ATP8B4: variants seen among roughly 807,000 people sequenced by gnomAD.
ATP8B4 encodes ATPase phospholipid transporting 8B4 (putative).
In ATP8B4, 133 loss-of-function variants were observed where a neutral mutation model predicts 145.6. The ratio of observed to expected loss-of-function variants is 0.91; its 90% CI spans 0.79 to 1.05. The LOEUF is 1.05. Among genes scored for constraint, ATP8B4 ranks in the 50% least tolerant of loss-of-function variants. ATP8B4 has a pLI of 0.00. For synonymous variants in ATP8B4, 507 were observed against 492.9 expected, an observed-to-expected ratio of 1.03 and a Z score of -0.38; for missense variants, 1,458 against 1,425.2, an observed-to-expected ratio of 1.02 and a Z score of -0.37.
At chr15:50,073,140 G>C (rs997762016) in intron 3 of ATP8B4, among the ~76,000 whole-genome samples, 1 of 150,346 alleles carries the variant, frequency 6.7e-6, no homozygotes, top group African/African-American at 2.5e-5. Context: ...GAATGTGCAG[G>C]TTTGTTACAT....
intron 14 of ATP8B4, among the ~76,000 whole-genome samples, chr15:49,935,255 T>C (rs890255300): frequency 6.6e-6 from 1 of 152,128 alleles, no homozygotes; most frequent in Non-Finnish European, 1.5e-5. Context: ...CAGTTTTATA[T>C]GGAATATTAC....
intron 1 of ATP8B4, among the ~76,000 whole-genome samples, chr15:50,150,045 G>T (rs1286182678): frequency 1.3e-5 from 2 of 151,708 alleles, no homozygotes; most frequent in African/African-American, 4.8e-5. Context: ...AGGTTGCAGT[G>T]AGCCAAGATC....
At chr15:50,106,911 T>C in intron 2 of ATP8B4, 28 bp downstream of exon 2, 3 of 1,577,524 alleles carry the variant, frequency 1.9e-6, no homozygotes, top group Non-Finnish European at 2.6e-6. Context: ...AATATCACTT[T>C]GCATCATTGG....
intron 1 of ATP8B4, among the ~76,000 whole-genome samples, chr15:50,148,181 A>T (rs2044303327): frequency 6.6e-6 from 1 of 151,762 alleles, no homozygotes; most frequent in Non-Finnish European, 1.5e-5. Flanking sequence ...CATAAACCCA[A>T]GTTAAAGAAC....
intron 21 of ATP8B4, among the ~76,000 whole-genome samples, chr15:49,898,460 A>G (rs1274758910): frequency 6.6e-6 from 1 of 152,222 alleles, no homozygotes; most frequent in Non-Finnish European, 1.5e-5. Context: ...TTAAAATACT[A>G]CTAAGGAATT....
At chr15:50,120,570 G>A (rs931598704), upstream of ATP8B4, among the ~76,000 whole-genome samples, 1 of 152,038 alleles carries the variant, frequency 6.6e-6, no homozygotes, top group South Asian at 2.1e-4. Context: ...TTTTTTAAAG[G>A]AAACTGAGTA....
chr15:50,047,399 C>T lies in ATP8B4; in HGVS notation c.153G>A (p.Gln51=). 1 of 1,599,984 alleles carries T rather than the reference C, an allele frequency of 6.3e-7. No homozygotes were observed. Among genetic ancestry groups the T allele is most frequent in the African/African-American group, 1.3e-5 (1 of 74,680 alleles). The part of the protein sequence containing the change: ...LTFLPINLFE[Q]FQRVANAYFL... Reference sequence around the variant, plus strand: ...AATAGGCATTTGCCACTCTTTGGAACTGTTCAAATAAATTAATTGGCAAGA... The same window carrying T: ...AATAGGCATTTGCCACTCTTTGGAATTGTTCAAATAAATTAATTGGCAAGA... The change falls in exon 4 of 28, where the codon CAG becomes CAA. Residue 51 remains glutamine, a synonymous_variant. Coordinates refer to ENST00000284509, the MANE Select transcript of ATP8B4 (RefSeq NM_024837.4).
chr15:50,073,569 T>G (rs1029526557), intron 3 of ATP8B4, among the ~76,000 whole-genome samples: 3 of 152,238 alleles, frequency 2.0e-5, no homozygotes, highest in African/African-American at 4.8e-5. Flanking sequence ...TGTGTCTTTA[T>G]AGTAAAATTA....
At chr15:49,991,628 C>T (rs2047053446) in intron 9 of ATP8B4, among the ~76,000 whole-genome samples, 1 of 152,010 alleles carries the variant, frequency 6.6e-6, no homozygotes, top group Non-Finnish European at 1.5e-5. Context: ...ATTCAAGAGA[C>T]CATAAATCAT....
chr15:50,171,993 AC>A (rs2044681077), intron 1 of ATP8B4, among the ~76,000 whole-genome samples: 1 of 152,236 alleles, frequency 6.6e-6, no homozygotes, highest in African/African-American at 2.4e-5. Flanking sequence ...CTGGAAAAAT[AC>A]AACCCTCCTA....
intron 1 of ATP8B4, among the ~76,000 whole-genome samples, chr15:50,146,014 CTTT>C (rs10624735): frequency 7.5e-6 from 1 of 133,464 alleles, no homozygotes. Flanking sequence ...TAAATGTTTA[CTTT>C]TTTTTTTTTT....
chr15:50,042,154 T>TA (rs34554435), intron 5 of ATP8B4, among the ~76,000 whole-genome samples: 23,631 of 134,720 alleles, frequency 0.18, 1,988 homozygotes, highest in Middle Eastern at 0.33. Flanking sequence ...GACTCTGTCT[T>TA]AAAAAAAAAA....
At chr15:49,864,795 T>G (rs1033098744) in intron 26 of ATP8B4, among the ~76,000 whole-genome samples, 51 of 152,148 alleles carry the variant, frequency 3.4e-4, no homozygotes, top group African/African-American at 1.2e-3. Flanking sequence ...AAAAGTACTA[T>G]GTACCAGGAT....
chr15:50,094,156 G>A (rs574465173), intron 2 of ATP8B4, among the ~76,000 whole-genome samples: 30 of 152,272 alleles, frequency 2.0e-4, no homozygotes, highest in African/African-American at 6.0e-4. Flanking sequence ...TTCTGCATGA[G>A]ATCAACATTT....
At chr15:50,121,248 G>A (rs1050410179), upstream of ATP8B4, among the ~76,000 whole-genome samples, 1 of 152,022 alleles carries the variant, frequency 6.6e-6, no homozygotes, top group South Asian at 2.1e-4. Flanking sequence ...GAATAATGTC[G>A]AATGAATAAT....
chr15:50,108,079 G>A (rs2056770041), intron 1 of ATP8B4, among the ~76,000 whole-genome samples: 1 of 152,002 alleles, frequency 6.6e-6, no homozygotes, highest in Admixed American at 6.6e-5. Flanking sequence ...GTCGCTGCCG[G>A]GTGTTGCTAA....
chr15:50,043,564 T>C (rs1240822711), intron 5 of ATP8B4, among the ~76,000 whole-genome samples: 7 of 152,236 alleles, frequency 4.6e-5, no homozygotes, highest in Non-Finnish European at 7.3e-5. Flanking sequence ...AAAACCTTCA[T>C]GATGATCTAC....
chr15:50,165,009 A>G (rs2044574807), intron 1 of ATP8B4, among the ~76,000 whole-genome samples: 1 of 152,020 alleles, frequency 6.6e-6, no homozygotes, highest in African/African-American at 2.4e-5. Flanking sequence ...CAAGAGTTTC[A>G]AGAGTGTCTT....
In ATP8B4 at chr15:50,016,993, C is replaced by T. The variant is rs187536967; in HGVS notation, c.363-6076G>A. Among the ~76,000 whole-genome samples, 32 of 152,226 alleles carry T rather than the reference C, an allele frequency of 2.1e-4. 1 individual carries two copies. Among genetic ancestry groups the T allele is most frequent in the South Asian group, 8.3e-4 (4 of 4,826 alleles). On this transcript the variant is annotated intron_variant, in intron 6 of 27. Transcript: ENST00000284509. ...AACTCCTGGCTTCAAGTGATTTTCC[C>T]GCCTCAACCTCCCAAAGTGCTGAGA...
Sources: gnomAD v4.1 joint callset for allele counts (sites outside exome capture counted in the v4.1 genomes callset) on GRCh38, gnomAD v4.1.1 for gene constraint, MANE v1.5 for transcripts, NCBI Gene and HGNC (gene_info 2026-07-23, HGNC 2026-07-21) for gene names.